ATP6V1A: variants seen among roughly 807,000 people sequenced by gnomAD.
ATP6V1A encodes the protein ATPase H+ transporting V1 subunit A, also known as V-type proton ATPase catalytic subunit A.
In ATP6V1A, 18 loss-of-function variants were observed where a neutral mutation model predicts 70.1. The observed-to-expected ratio is 0.26, with a 90% CI of 0.18 to 0.38. The LOEUF (loss-of-function observed/expected upper bound fraction) is 0.38, where lower values mean the gene tolerates loss of function less well. ATP6V1A is among the 10% of genes least tolerant of loss of function. ATP6V1A has a pLI of 1.00. For missense variants in ATP6V1A, 424 were observed against 772.4 expected, an observed-to-expected ratio of 0.55 and a Z score of 5.35; for synonymous variants, 232 against 253.8, an observed-to-expected ratio of 0.91 and a Z score of 0.82.
At chr3:113,806,335 C>T (rs1709276104) in intron 14 of ATP6V1A, among the ~76,000 whole-genome samples, 1 of 152,178 alleles carries the variant, frequency 6.6e-6, no homozygotes, top group Non-Finnish European at 1.5e-5. Flanking sequence ...CAAATTAGAG[C>T]TTACTTCATA....
intron 1 of ATP6V1A, among the ~76,000 whole-genome samples, chr3:113,766,292 C>G (rs1708769733): frequency 6.6e-6 from 1 of 151,912 alleles, no homozygotes; most frequent in African/African-American, 2.4e-5. Context: ...CTTTCTCTCT[C>G]TCTTTCTTTT....
At chr3:113,787,963 C>T (rs1709054963) in intron 6 of ATP6V1A, among the ~76,000 whole-genome samples, 1 of 152,230 alleles carries the variant, frequency 6.6e-6, no homozygotes, top group Admixed American at 6.5e-5. Context: ...TTCTGTGACC[C>T]AGGCTGGAAT....
At chr3:113,748,826 A>G (rs543023702) in intron 1 of ATP6V1A, among the ~76,000 whole-genome samples, 26 of 152,330 alleles carry the variant, frequency 1.7e-4, no homozygotes, top group Non-Finnish European at 3.5e-4. Context: ...AGACTAATGT[A>G]TTGATATATT....
rs1417834552 is a variant in ATP6V1A, at chr3:113,805,478, GAGC to G, written c.1716_1718del (p.Glu572_His573delinsAsp). ...TAAAATCACATGGTCCATTATTCGT[GAGC>G]ACATGGGAGACATCCTCTATAAACT... On this transcript the variant is annotated inframe_deletion, in exon 14 of 15. Coordinates refer to ENST00000273398, the MANE Select transcript of ATP6V1A (RefSeq NM_001690.4). 3 of 1,613,938 alleles carry G rather than the reference GAGC, an allele frequency of 1.9e-6. No individual in the cohort carries two copies. The highest frequency in any genetic ancestry group is 2.5e-6 in the Non-Finnish European group (3 of 1,179,860).
chr3:113,751,061 G>A (rs1195334878), intron 1 of ATP6V1A, among the ~76,000 whole-genome samples: 2 of 152,036 alleles, frequency 1.3e-5, no homozygotes, highest in Admixed American at 6.6e-5. Flanking sequence ...ATAAATTTAA[G>A]GAGGCAGTTC....
chr3:113,768,904 A>C (rs1708803750), intron 1 of ATP6V1A, among the ~76,000 whole-genome samples: 1 of 152,122 alleles, frequency 6.6e-6, no homozygotes, highest in African/African-American at 2.4e-5. Context: ...CATCTTTTAA[A>C]AGAACAAAGA....
At chr3:113,794,001 C>T (rs901565471) in intron 8 of ATP6V1A, among the ~76,000 whole-genome samples, 2 of 151,966 alleles carry the variant, frequency 1.3e-5, no homozygotes, top group East Asian at 3.9e-4. Flanking sequence ...ATAGGGCAGG[C>T]GTTATTCCAT....
intron 8 of ATP6V1A, 99 bp downstream of exon 8, chr3:113,789,939 A>G: frequency 1.2e-6 from 1 of 843,800 alleles, no homozygotes; most frequent in Non-Finnish European, 1.9e-6. Context: ...ATTCTAAAAT[A>G]TCTCTGTACA....
chr3:113,787,511 A>G (rs1709050410), intron 6 of ATP6V1A, among the ~76,000 whole-genome samples: 1 of 152,204 alleles, frequency 6.6e-6, no homozygotes, highest in Non-Finnish European at 1.5e-5. Flanking sequence ...TCTGTAACCA[A>G]TTATATAATT....
At chr3:113,784,630 T>G in intron 4 of ATP6V1A, 66 bp from the exon 5 acceptor site, 1 of 1,566,732 alleles carries the variant, frequency 6.4e-7, no homozygotes, top group East Asian at 2.3e-5. Context: ...ATTTAAATTA[T>G]AGCAGCAGGG....
intron 1 of ATP6V1A, among the ~76,000 whole-genome samples, chr3:113,777,896 A>T (rs1165267286): frequency 6.6e-6 from 1 of 152,226 alleles, no homozygotes; most frequent in Non-Finnish European, 1.5e-5. Context: ...TATCTGCAGC[A>T]TGATTAAGTG....
chr3:113,786,187 T>C, intron 5 of ATP6V1A, 45 bp from the exon 6 acceptor site: 1 of 1,519,806 alleles, frequency 6.6e-7, no homozygotes. Flanking sequence ...AAGGAAGAAA[T>C]GTTCACAAAT....
At position 113,786,217 on chromosome 3, in the gene ATP6V1A, A is replaced by G. The variant is rs1301172639; in HGVS notation, c.565-15A>G. 5.7e-6 allele frequency: 9 copies of G among 1,592,564 alleles called. No homozygotes were observed. Among genetic ancestry groups the G allele is most frequent in the South Asian group, 2.3e-5 (2 of 88,314 alleles). ...ACAAATTTGACCATACTAAAATCCT[A>G]CTGTATTTCTATAGGATGTTGTCTT... On this transcript the variant is annotated splice_polypyrimidine_tract_variant and intron_variant, in intron 5 of 14. Transcript: ENST00000273398.
intron 11 of ATP6V1A, among the ~76,000 whole-genome samples, chr3:113,796,945 T>A (rs1709158060): frequency 6.6e-6 from 1 of 152,242 alleles, no homozygotes; most frequent in Non-Finnish European, 1.5e-5. Context: ...TTTTGTTTTG[T>A]TTGTTTTGAT....
intron 1 of ATP6V1A, among the ~76,000 whole-genome samples, chr3:113,751,182 C>T (rs1257407375): frequency 6.6e-6 from 1 of 151,768 alleles, no homozygotes; most frequent in Admixed American, 6.6e-5. Context: ...AAAATTTTGT[C>T]TTTTTAAAAA....
intron 1 of ATP6V1A, among the ~76,000 whole-genome samples, chr3:113,774,756 T>C (rs1451664197): frequency 2.7e-5 from 4 of 150,340 alleles, no homozygotes; most frequent in Non-Finnish European, 5.9e-5. Flanking sequence ...GAGGTTGCAG[T>C]GAGCCGAGAT....
At chr3:113,790,272 C>G (rs905452301) in intron 8 of ATP6V1A, among the ~76,000 whole-genome samples, 1 of 133,894 alleles carries the variant, frequency 7.5e-6, no homozygotes, top group African/African-American at 2.9e-5. Flanking sequence ...CACTGCACTC[C>G]AGCCTGAGCG....
At chr3:113,798,534 T>C (rs560886214) in intron 12 of ATP6V1A, 88 bp downstream of exon 12, 1 of 1,112,346 alleles carries the variant, frequency 9.0e-7, no homozygotes, top group South Asian at 2.1e-5. Context: ...TTACAGATTC[T>C]TGCCTAGCAA....
chr3:113,768,657 G>A (rs1019375890), intron 1 of ATP6V1A, among the ~76,000 whole-genome samples: 9 of 147,480 alleles, frequency 6.1e-5, no homozygotes, highest in South Asian at 4.3e-4. Flanking sequence ...GTGCAGTGGC[G>A]CAATCTCGGC....
Sources: gnomAD v4.1 joint callset for allele counts (sites outside exome capture counted in the v4.1 genomes callset) on GRCh38, gnomAD v4.1.1 for gene constraint, MANE v1.5 for transcripts, NCBI Gene and HGNC (gene_info 2026-07-23, HGNC 2026-07-21) for gene names.